The following RGS5 variants were observed in gnomAD, a reference collection of about 807,000 sequenced individuals.
RGS5 encodes the protein regulator of G protein signaling 5.
RGS5 carries 20 observed loss-of-function variants against 18.9 expected under a neutral mutation model. That is an observed-to-expected ratio of 1.06 (90% CI 0.74 to 1.54). The LOEUF is 1.54. Ranked by LOEUF, RGS5 falls within the 40% of genes most tolerant of loss-of-function variation. RGS5 has a pLI of 0.00. For synonymous variants in RGS5, 57 were observed against 76.2 expected, an observed-to-expected ratio of 0.75 and a Z score of 1.31; for missense variants, 201 against 211.8, an observed-to-expected ratio of 0.95 and a Z score of 0.32.
chr1:163,181,160 C>T (rs1658828207), intron 1 of RGS5, among the ~76,000 whole-genome samples: 1 of 152,132 alleles, frequency 6.6e-6, no homozygotes, highest in Non-Finnish European at 1.5e-5. Flanking sequence ...CAGGACCACA[C>T]TTTGAGAACC....
intron 1 of RGS5, among the ~76,000 whole-genome samples, chr1:163,183,946 G>A (rs1406290552): frequency 6.6e-6 from 1 of 152,094 alleles, no homozygotes; most frequent in East Asian, 1.9e-4. Flanking sequence ...ATAAGTTTTC[G>A]AGGTACATGC....
At chr1:163,296,723 T>A (rs1041321696) in intron 2 of RGS5, among the ~76,000 whole-genome samples, 1 of 152,296 alleles carries the variant, frequency 6.6e-6, no homozygotes, top group East Asian at 1.9e-4. Flanking sequence ...ACCCACACAG[T>A]TTCTGGATTG....
chr1:163,307,199 C>T (rs1649725121), intron 1 of RGS5, among the ~76,000 whole-genome samples: 1 of 152,158 alleles, frequency 6.6e-6, no homozygotes, highest in African/African-American at 2.4e-5. Context: ...TCTCTAGCTG[C>T]TATCTCTCTC....
chr1:163,316,835 G>A (rs1034522973), intron 1 of RGS5, among the ~76,000 whole-genome samples: 3 of 152,056 alleles, frequency 2.0e-5, no homozygotes, highest in Non-Finnish European at 4.4e-5. Context: ...CCTCCTCAGA[G>A]GCTACTACTA....
chr1:163,172,621 A>C, intron 1 of RGS5: 1 of 1,549,018 alleles, frequency 6.5e-7, no homozygotes, highest in South Asian at 1.2e-5. Context: ...AAAGATATTC[A>C]GTGCTTTGGA....
chr1:163,256,246 A>G (rs1305072747), intron 2 of RGS5, among the ~76,000 whole-genome samples: 1 of 152,072 alleles, frequency 6.6e-6, no homozygotes, highest in Non-Finnish European at 1.5e-5. Flanking sequence ...TTAAGCTGAT[A>G]AGCAACTTCA....
At chr1:163,291,640 T>A (rs1224239494) in intron 2 of RGS5, among the ~76,000 whole-genome samples, 2 of 152,116 alleles carry the variant, frequency 1.3e-5, no homozygotes, top group African/African-American at 2.4e-5. Context: ...CAACCGATAG[T>A]TCCATCTGGA....
At chr1:163,188,503 T>A (rs1340886272) in intron 1 of RGS5, among the ~76,000 whole-genome samples, 1 of 152,146 alleles carries the variant, frequency 6.6e-6, no homozygotes, top group African/African-American at 2.4e-5. Context: ...GTTCCTTCAT[T>A]TTATAGATTG....
intron 1 of RGS5, among the ~76,000 whole-genome samples, chr1:163,311,291 T>C (rs111621159): frequency 0.011 from 1,650 of 152,308 alleles, 29 homozygotes; most frequent in African/African-American, 0.036. Flanking sequence ...ATTTGATCTA[T>C]CCAGACCACT....
intron 2 of RGS5, among the ~76,000 whole-genome samples, chr1:163,266,234 C>A (rs1325753364): frequency 6.6e-6 from 1 of 152,136 alleles, no homozygotes; most frequent in African/African-American, 2.4e-5. Context: ...TACCACTTAT[C>A]CCCTCTCACA....
chr1:163,238,632 G>C (rs993994179), intron 2 of RGS5: 12 of 240,608 alleles, frequency 5.0e-5, no homozygotes, highest in Admixed American at 3.4e-4. Context: ...CGCTTGGGTG[G>C]AATATCAGGA....
chr1:163,269,540 G>T (rs1648662606), intron 2 of RGS5, among the ~76,000 whole-genome samples: 1 of 152,058 alleles, frequency 6.6e-6, no homozygotes, highest in Non-Finnish European at 1.5e-5. Context: ...TATGGGGCCT[G>T]GAGACATGTT....
upstream of RGS5, among the ~76,000 whole-genome samples, chr1:163,218,801 CCTCAGG>C (rs1660273712): frequency 6.6e-6 from 1 of 151,970 alleles, no homozygotes; most frequent in Non-Finnish European, 1.5e-5. Context: ...AAAGAGATTG[CCTCAGG>C]ATATTCTCCA....
At chr1:163,188,918 A>G (rs1323314974) in intron 1 of RGS5, among the ~76,000 whole-genome samples, 1 of 148,024 alleles carries the variant, frequency 6.8e-6, no homozygotes, top group Non-Finnish European at 1.5e-5. Context: ...GCACCACCAC[A>G]TACCAGCCTG....
intron 3 of RGS5, among the ~76,000 whole-genome samples, chr1:163,154,839 T>A (rs568494447): frequency 1.3e-5 from 2 of 149,340 alleles, no homozygotes; most frequent in Admixed American, 1.3e-4. Context: ...AAAAATTATA[T>A]CTATATATAA....
At chr1:163,188,075 C>T (rs1383695097) in intron 1 of RGS5, among the ~76,000 whole-genome samples, 2 of 152,034 alleles carry the variant, frequency 1.3e-5, no homozygotes, top group Non-Finnish European at 2.9e-5. Flanking sequence ...ACGGAAAATA[C>T]GGCTTGAGGA....
intron 4 of RGS5, among the ~76,000 whole-genome samples, chr1:163,148,621 T>G (rs1657252279): frequency 6.6e-6 from 1 of 152,196 alleles, no homozygotes; most frequent in Non-Finnish European, 1.5e-5. Context: ...GTGATGTGGC[T>G]CCAGAGCCCA....
intron 2 of RGS5, among the ~76,000 whole-genome samples, chr1:163,280,913 T>C (rs1323488101): frequency 6.6e-6 from 1 of 152,126 alleles, no homozygotes; most frequent in African/African-American, 2.4e-5. Flanking sequence ...TATAAAGAAA[T>C]ACCTGAGACT....
intron 2 of RGS5, among the ~76,000 whole-genome samples, chr1:163,232,099 G>A (rs1647497184): frequency 6.6e-6 from 1 of 151,056 alleles, no homozygotes. Context: ...GTTTTCTTGT[G>A]AAATGCAAAG....
Sources: gnomAD v4.1 joint callset for allele counts (sites outside exome capture counted in the v4.1 genomes callset) on GRCh38, gnomAD v4.1.1 for gene constraint, MANE v1.5 for transcripts, NCBI Gene and HGNC (gene_info 2026-07-23, HGNC 2026-07-21) for gene names.